Variants in TRIM71 observed in about 807,000 individuals in gnomAD.
TRIM71 encodes tripartite motif containing 71, also known as E3 ubiquitin-protein ligase TRIM71.
Under a neutral mutation model 61.2 loss-of-function variants are expected in TRIM71, and 9 were observed. The ratio of observed to expected loss-of-function variants is 0.15; its 90% CI spans 0.09 to 0.26. TRIM71 has a LOEUF of 0.26. Among genes scored for constraint, TRIM71 ranks in the 10% least tolerant of loss-of-function variants. TRIM71 has a pLI of 1.00. For missense variants in TRIM71, 998 were observed against 1,238.7 expected, an observed-to-expected ratio of 0.81 and a Z score of 2.92; for synonymous variants, 645 against 553.2, an observed-to-expected ratio of 1.17 and a Z score of -2.33.
At chr3:32,840,431 A>G (rs1319441325) in intron 1 of TRIM71, among the ~76,000 whole-genome samples, 2 of 152,210 alleles carry the variant, frequency 1.3e-5, no homozygotes, top group Non-Finnish European at 2.9e-5. Context: ...AAAGTTAATG[A>G]TTAAATTCAG....
Position 32,891,637 on chromosome 3 carries a change from G to C in TRIM71, c.2433G>C (p.Ala811=). ...ACCAGGAAGGGCGCATCATTGTGGC[G>C]GATTCCAGGAACCATCGGGTACAGA... ...AVDQEGRIIV[A]DSRNHRVQMF... is the part of the protein sequence containing the mutation. Residue 811 remains alanine, a synonymous_variant, in exon 4 of 4, where the codon GCG becomes GCC. Transcript: ENST00000383763. The surrounding 1 kb of genome is among the most constrained non-coding windows in gnomAD (Gnocchi z 8.2). 6.2e-7 allele frequency: 1 copy of C among 1,613,052 alleles called. No homozygotes were observed. Among genetic ancestry groups the C allele is most frequent in the South Asian group, 1.1e-5 (1 of 90,962 alleles).
intron 2 of TRIM71, among the ~76,000 whole-genome samples, chr3:32,882,630 C>T (rs900882284): frequency 3.9e-5 from 6 of 152,096 alleles, no homozygotes; most frequent in South Asian, 2.1e-4. Flanking sequence ...GCTGCAGCTT[C>T]GATCTCCCAA....
chr3:32,876,111 GTGTCTTCACC>G (rs1696849876), intron 2 of TRIM71, among the ~76,000 whole-genome samples: 1 of 152,076 alleles, frequency 6.6e-6, no homozygotes, highest in Non-Finnish European at 1.5e-5. Flanking sequence ...TCCTTTGTCA[GTGTCTTCACC>G]TGTGCATCAT....
At chr3:32,879,715 G>GTT (rs1696887672) in intron 2 of TRIM71, among the ~76,000 whole-genome samples, 1 of 150,188 alleles carries the variant, frequency 6.7e-6, no homozygotes, top group Admixed American at 6.7e-5. Context: ...GCTCAAAACT[G>GTT]TAACATCAGC....
chr3:32,831,314 A>C (rs1051783379), intron 1 of TRIM71, among the ~76,000 whole-genome samples: 1 of 108,096 alleles, frequency 9.3e-6, no homozygotes, highest in Non-Finnish European at 2.4e-5. Context: ...TTGATTTCTG[A>C]CCGTTAAGAT....
At position 32,818,663 on chromosome 3, in the gene TRIM71, C is replaced by A. The variant is rs761428558; in HGVS notation, c.583C>A (p.Arg195Ser). 1 of 1,518,370 alleles carries A rather than the reference C, an allele frequency of 6.6e-7. No homozygotes were observed. Among genetic ancestry groups the A allele is most frequent in the African/African-American group, 1.4e-5 (1 of 70,008 alleles). The allele number at this position is 1,518,370 out of a possible 1,614,324, so 94.1% of individuals were successfully genotyped here. The change falls in exon 1 of 4, where the codon CGT becomes AGT. Residue 195 changes from arginine to serine, a missense_variant. Arg to Ser is a moderately radical substitution (Grantham distance 110). Coordinates refer to ENST00000383763, the MANE Select transcript of TRIM71 (RefSeq NM_001039111.3). ...AASPSALLLR[R>S]PHGCSSCDEG... is the part of the protein sequence containing the mutation. ...TTCCCCGTCGGCGCTGCTGCTCCGCCGTCCTCACGGCTGCAGCTCGTGCGA... is the reference window on the plus strand; with the variant it reads ...TTCCCCGTCGGCGCTGCTGCTCCGCAGTCCTCACGGCTGCAGCTCGTGCGA...
At chr3:32,820,254 T>C (rs1288100181) in intron 1 of TRIM71, among the ~76,000 whole-genome samples, 2 of 152,206 alleles carry the variant, frequency 1.3e-5, no homozygotes, top group Admixed American at 1.3e-4. Context: ...CCTTTTCCAC[T>C]CCTAACCTGT....
At chr3:32,829,832 A>G (rs1014603362) in intron 1 of TRIM71, among the ~76,000 whole-genome samples, 2 of 151,246 alleles carry the variant, frequency 1.3e-5, no homozygotes, top group Admixed American at 6.6e-5. Flanking sequence ...CCACATTGCT[A>G]TTTATGTGAC....
At chr3:32,871,962 T>C (rs1696800595) in intron 1 of TRIM71, among the ~76,000 whole-genome samples, 1 of 152,094 alleles carries the variant, frequency 6.6e-6, no homozygotes. Flanking sequence ...GCTAACAGGG[T>C]GAAACCTCAT....
chr3:32,856,122 G>C (rs1041484034), intron 1 of TRIM71, among the ~76,000 whole-genome samples: 9 of 152,080 alleles, frequency 5.9e-5, no homozygotes, highest in Non-Finnish European at 1.3e-4. Flanking sequence ...GGTTCACACC[G>C]TTCTCCTGCC....
chr3:32,831,387 T>C (rs1165005763), intron 1 of TRIM71, among the ~76,000 whole-genome samples: 1 of 152,132 alleles, frequency 6.6e-6, no homozygotes, highest in Admixed American at 6.6e-5. Context: ...CACATGAAGG[T>C]TCTTTGAAAG....
chr3:32,882,377 A>G lies in TRIM71; in HGVS notation c.1021-3557A>G, dbSNP rs1696919170. ...CACCAGTTGTGCTAATTAATAACCA[A>G]CACATCTAAAAATATAGAGGGTGCC... is the stretch of plus-strand genomic sequence containing the variant. On this transcript the variant is annotated intron_variant, in intron 2 of 3. Coordinates refer to ENST00000383763, the MANE Select transcript of TRIM71 (RefSeq NM_001039111.3). 1.3e-5 allele frequency among the ~76,000 whole-genome samples: 2 copies of G among 152,160 alleles called. 1 individual carries two copies. Among genetic ancestry groups the G allele is most frequent in the Admixed American group, 1.3e-4 (2 of 15,274 alleles).
rs534181753 is a variant in TRIM71, at chr3:32,842,803, G to A, written c.852+23871G>A. 7.2e-5 allele frequency among the ~76,000 whole-genome samples: 11 copies of A among 152,112 alleles called. No individual in the cohort carries two copies. The South Asian group carries it at 2.3e-3, about 32-fold the overall frequency. ...CAAGAACCCTCTGTTCTGCAATTTG[G>A]TACATCTTGAAACCCCTTCTTGAGA... On this transcript the variant is annotated intron_variant, in intron 1 of 3. Coordinates refer to ENST00000383763, the MANE Select transcript of TRIM71 (RefSeq NM_001039111.3).
intron 1 of TRIM71, among the ~76,000 whole-genome samples, chr3:32,860,829 T>G (rs1696659429): frequency 1.3e-5 from 2 of 152,192 alleles, no homozygotes; most frequent in African/African-American, 4.8e-5. Flanking sequence ...AGGGTAGGTT[T>G]CCCACTTTTG....
Position 32,886,084 on chromosome 3 carries a change from C to T in TRIM71, c.1155+16C>T. The T allele has an allele frequency of 6.2e-7, 1 of 1,607,174 alleles. No individual in the cohort carries two copies. The highest frequency in any genetic ancestry group is 1.1e-5 in the South Asian group (1 of 89,542). ...GCTGTGGAAGGTAACAGGGAGAGCT[C>T]CCCCACCCAGGCTGTGCCCACTCGG... On this transcript the variant is annotated intron_variant, in intron 3 of 3. Transcript: ENST00000383763.
Position 32,822,938 on chromosome 3 carries a change from T to A in TRIM71, c.852+4006T>A, listed in dbSNP as rs565581039. The stretch of plus-strand genomic sequence containing the variant: ...ATTCATATTAATTTCAACAAATTTT[T>A]AAAAAAAATTTTTTTAAAGGAAGGA... On this transcript the variant is annotated intron_variant, in intron 1 of 3. Coordinates refer to ENST00000383763, the MANE Select transcript of TRIM71 (RefSeq NM_001039111.3). Among the ~76,000 whole-genome samples the A allele has an allele frequency of 1.0e-3, 159 of 152,320 alleles. 2 individuals are homozygous for A. The highest frequency in any genetic ancestry group is 1.2e-3 in the South Asian group (6 of 4,826).
chr3:32,846,006 CTA>C (rs978057907), intron 1 of TRIM71, among the ~76,000 whole-genome samples: 3 of 149,964 alleles, frequency 2.0e-5, no homozygotes, highest in African/African-American at 7.3e-5. Context: ...GAGTTGGAGA[CTA>C]TGGCTCACTA....
chr3:32,829,666 G>C (rs1163253369), intron 1 of TRIM71, among the ~76,000 whole-genome samples: 1 of 151,034 alleles, frequency 6.6e-6, no homozygotes, highest in Non-Finnish European at 1.5e-5. Context: ...GTGTGCGTGT[G>C]TGTGCATTGG....
chr3:32,838,191 A>T (rs1696356758), intron 1 of TRIM71, among the ~76,000 whole-genome samples: 1 of 152,088 alleles, frequency 6.6e-6, no homozygotes, highest in African/African-American at 2.4e-5. Flanking sequence ...GAAGTACTAA[A>T]TTATTTTGGA....
Sources: allele counts gnomAD v4.1 joint callset (sites outside exome capture counted in the v4.1 genomes callset), GRCh38; gene constraint gnomAD v4.1.1; non-coding constraint Gnocchi (gnomAD v3.1); transcripts MANE v1.5; gene names NCBI Gene and HGNC (gene_info 2026-07-23, HGNC 2026-07-21).